The following PRDM16 variants were observed in gnomAD, a reference collection of about 807,000 sequenced individuals.
The protein encoded by PRDM16 is PR/SET domain 16.
Under a neutral mutation model 110.6 loss-of-function variants are expected in PRDM16, and 23 were observed. The observed-to-expected ratio is 0.21, with a 90% confidence interval of 0.15 to 0.29. The LOEUF is 0.29. Among genes scored for constraint, PRDM16 ranks in the 10% least tolerant of loss-of-function variants. The pLI is 1.00. For missense variants in PRDM16, 1,615 were observed against 1,794.3 expected (o/e 0.90, Z 1.81); for synonymous variants, 799 against 781.8 (o/e 1.02, Z -0.37).
chr1:3,228,249 G>A (rs779123208), intron 2 of PRDM16, among the ~76,000 whole-genome samples: 10 of 152,318 alleles, frequency 6.6e-5, no homozygotes, highest in East Asian at 3.9e-4. Flanking sequence ...ATGCACTTGC[G>A]TTCACTCGCG....
At chr1:3,093,641 G>A (rs1027161196) in intron 1 of PRDM16, among the ~76,000 whole-genome samples, 10 of 152,186 alleles carry the variant, frequency 6.6e-5, no homozygotes, top group Non-Finnish European at 1.2e-4. Context: ...AGTTCTCGGA[G>A]GCTGCATGCT....
At chr1:3,193,412 AG>A (rs1638366014) in intron 2 of PRDM16, among the ~76,000 whole-genome samples, 1 of 152,236 alleles carries the variant, frequency 6.6e-6, no homozygotes, top group African/African-American at 2.4e-5. Context: ...GCCAGCCACC[AG>A]AGGCTGGTTT....
At chr1:3,225,567 T>TGCGCGC (rs1366449613) in intron 2 of PRDM16, among the ~76,000 whole-genome samples, 1 of 124,068 alleles carries the variant, frequency 8.1e-6, no homozygotes, top group African/African-American at 3.8e-5. Context: ...TGTGTGTGTG[T>TGCGCGC]GTGTGTGCGC....
chr1:3,228,177 G>A (rs1032946217), intron 2 of PRDM16, among the ~76,000 whole-genome samples: 10 of 152,328 alleles, frequency 6.6e-5, no homozygotes, highest in African/African-American at 1.9e-4. Context: ...TGTCCTTCCC[G>A]GGACTGAAGC....
intron 1 of PRDM16, among the ~76,000 whole-genome samples, chr1:3,073,290 CCT>C (rs890943686): frequency 2.0e-5 from 3 of 152,178 alleles, no homozygotes; most frequent in South Asian, 2.1e-4. Context: ...CGATTAGCCC[CCT>C]GTTTTATTCA....
intron 3 of PRDM16, among the ~76,000 whole-genome samples, chr1:3,275,091 C>G (rs990191704): frequency 5.3e-5 from 8 of 152,232 alleles, no homozygotes; most frequent in African/African-American, 1.9e-4. Context: ...CAGAGCCATT[C>G]TGGACGCTTA....
intron 2 of PRDM16, among the ~76,000 whole-genome samples, chr1:3,193,678 C>T (rs1388697898): frequency 6.6e-6 from 1 of 152,178 alleles, no homozygotes; most frequent in Non-Finnish European, 1.5e-5. Context: ...GGTGCAAGCC[C>T]CTGCCCCCCA....
intron 3 of PRDM16, among the ~76,000 whole-genome samples, chr1:3,367,615 C>A (rs541790047): frequency 6.6e-6 from 1 of 152,170 alleles, no homozygotes; most frequent in Non-Finnish European, 1.5e-5. Context: ...AAAACACGTG[C>A]GGTCCTGTGG....
At chr1:3,118,006 G>GTGCGTGTGTGCATGTGTACATGCA (rs1643001126) in intron 1 of PRDM16, among the ~76,000 whole-genome samples, 5 of 152,006 alleles carry the variant, frequency 3.3e-5, no homozygotes, top group African/African-American at 1.2e-4. Flanking sequence ...GTGTGTGCGT[G>GTGCGTGTGTGCATGTGTACATGCA]TGCGTGTGTG....
Position 3,114,443 on chromosome 1 carries a change from GCACACGCA to G in PRDM16, c.37+45153_37+45160del, listed in dbSNP as rs1642895927. Among the ~76,000 whole-genome samples the G allele has an allele frequency of 3.5e-5, 4 of 115,110 alleles. No homozygotes were observed. In the South Asian group the frequency reaches 8.1e-4, roughly 23 times the overall value. 75.5% of individuals were successfully genotyped at this position (115,110 alleles called of 152,430 possible). On this transcript the variant is annotated intron_variant, in intron 1 of 16. Transcript: ENST00000270722. ...ATGCACACACCAGGTGTAAACAGAC[GCACACGCA>G]CACACACGCACACACGCAGTGTAAA...
In PRDM16 at chr1:3,402,877, T is replaced by C; in HGVS notation, c.763T>C (p.Ser255Pro). 1 of 1,613,022 alleles carries C rather than the reference T, an allele frequency of 6.2e-7. No homozygotes were observed. Among genetic ancestry groups the C allele is most frequent in the Non-Finnish European group, 8.5e-7 (1 of 1,179,992 alleles). Residue 255 changes from serine (S) to proline (P), a missense_variant, in exon 6 of 17, where the codon TCA becomes CCA. Physicochemically the swap from Ser to Pro is moderately conservative, Grantham distance 74. Transcript: ENST00000270722. ...GCGCCATAAGAAGTACACGTGTGGC[T>C]CAGTGGGGGCTGCGCTCTACGAGGG... ...LRRHKKYTCG[S>P]VGAALYEGLA...
At chr1:3,365,003 C>G (rs972404557) in intron 3 of PRDM16, among the ~76,000 whole-genome samples, 4 of 152,204 alleles carry the variant, frequency 2.6e-5, no homozygotes, top group Non-Finnish European at 5.9e-5. Context: ...AGTTTCCTCC[C>G]AGGGGATGCA....
intron 3 of PRDM16, among the ~76,000 whole-genome samples, chr1:3,312,543 G>A (rs1641487123): frequency 6.6e-6 from 1 of 152,214 alleles, no homozygotes; most frequent in African/African-American, 2.4e-5. Context: ...TACATCAGGA[G>A]CCCATCCGGA....
intron 3 of PRDM16, among the ~76,000 whole-genome samples, chr1:3,356,830 C>T (rs1013206160): frequency 6.6e-6 from 1 of 152,170 alleles, no homozygotes; most frequent in African/African-American, 2.4e-5. Flanking sequence ...TTCCTTATCT[C>T]CAGCTCTGGG....
At chr1:3,410,644 G>T (rs1374058413) in intron 8 of PRDM16, among the ~76,000 whole-genome samples, 1 of 152,176 alleles carries the variant, frequency 6.6e-6, no homozygotes, top group African/African-American at 2.4e-5. Context: ...CTGGTGCGGA[G>T]AGGGGAGGTG....
chr1:3,108,162 C>A lies in PRDM16; in HGVS notation c.37+38866C>A, dbSNP rs140492509. On this transcript the variant is annotated intron_variant, in intron 1 of 16. Coordinates refer to ENST00000270722, the MANE Select transcript of PRDM16 (RefSeq NM_022114.4). ...CATTCGTAGGACTGGGAGAGCATGTCTAGCAAGGGGCCATTGGTCTTGCCG... is the reference window on the plus strand; with the variant it reads ...CATTCGTAGGACTGGGAGAGCATGTATAGCAAGGGGCCATTGGTCTTGCCG... Among the ~76,000 whole-genome samples the A allele has an allele frequency of 9.8e-5, 15 of 152,376 alleles. No individual in the cohort carries two copies. The East Asian group carries it at 2.7e-3, about 27-fold the overall frequency.
chr1:3,154,920 C>T (rs947472342), intron 1 of PRDM16, among the ~76,000 whole-genome samples: 4 of 152,218 alleles, frequency 2.6e-5, no homozygotes, highest in African/African-American at 7.2e-5. Flanking sequence ...GACACCAAAG[C>T]AAGCCTTTGG....
intron 2 of PRDM16, among the ~76,000 whole-genome samples, chr1:3,204,896 TG>T (rs979324322): frequency 2.6e-5 from 4 of 151,232 alleles, no homozygotes; most frequent in Non-Finnish European, 4.4e-5. Context: ...GGACCCCCGT[TG>T]GGGGGGGCCC....
chr1:3,114,205 A>ACACGCACG (rs1379954088), intron 1 of PRDM16, among the ~76,000 whole-genome samples: 54 of 73,576 alleles, frequency 7.3e-4, no homozygotes, highest in Non-Finnish European at 1.1e-3. Flanking sequence ...ACACGCACGC[A>ACACGCACG]CACACGCACA....
Sources: allele counts gnomAD v4.1 joint callset (sites outside exome capture counted in the v4.1 genomes callset), GRCh38; gene constraint gnomAD v4.1.1; transcripts MANE v1.5; gene names NCBI Gene and HGNC (gene_info 2026-07-23, HGNC 2026-07-21).